LRP1B: variants seen among roughly 807,000 people sequenced by gnomAD.
LRP1B encodes the protein LDL receptor related protein 1B.
In LRP1B, 217 loss-of-function variants were observed where a neutral mutation model predicts 556.6. The observed-to-expected ratio is 0.39, with a 90% CI of 0.35 to 0.44. LRP1B has a LOEUF of 0.44. Ranked by LOEUF, LRP1B falls within the 20% of genes least tolerant of loss-of-function variation. LRP1B has a pLI of 1.00. For missense variants in LRP1B, 5,053 were observed against 5,620.8 expected, an observed-to-expected ratio of 0.90 and a Z score of 3.23; for synonymous variants, 2,047 against 1,865.8, an observed-to-expected ratio of 1.10 and a Z score of -2.50.
intron 49 of LRP1B, among the ~76,000 whole-genome samples, chr2:140,519,888 G>A (rs1438154447): frequency 1.7e-4 from 26 of 152,194 alleles, no homozygotes; most frequent in Non-Finnish European, 3.8e-4. Flanking sequence ...GGTCATCAGA[G>A]AAATGCAAAT....
chr2:141,432,009 T>C (rs1020913437), intron 3 of LRP1B, among the ~76,000 whole-genome samples: 6 of 152,132 alleles, frequency 3.9e-5, no homozygotes, highest in African/African-American at 1.4e-4. Context: ...TAACTGCAAG[T>C]GATGAGAGCA....
intron 6 of LRP1B, 46 bp downstream of exon 6, chr2:141,229,137 T>A (rs1347717785): frequency 1.3e-6 from 2 of 1,594,764 alleles, no homozygotes; most frequent in South Asian, 2.2e-5. Flanking sequence ...GGTCTGTAAA[T>A]GAAATCAGTA....
intron 11 of LRP1B, among the ~76,000 whole-genome samples, chr2:141,021,141 G>A (rs1287819768): frequency 1.3e-5 from 2 of 151,970 alleles, no homozygotes; most frequent in African/African-American, 4.8e-5. Flanking sequence ...AAGGCAATAG[G>A]TAGTATATAT....
At chr2:140,472,351 T>G (rs981233599) in intron 60 of LRP1B, among the ~76,000 whole-genome samples, 1 of 152,170 alleles carries the variant, frequency 6.6e-6, no homozygotes. Flanking sequence ...TGTTTTTTAC[T>G]GTATCATTAT....
rs1029495342 is a variant in LRP1B at position 140,298,270 on chromosome 2, T to C, written c.12806-301A>G. ...TGCTTAAAGTACTTCTTATTTTTAC[T>C]TCTGTTCTCATATCAATTTGGCCCT... is the stretch of plus-strand genomic sequence containing the variant. On this transcript the variant is annotated intron_variant, in intron 83 of 90. Coordinates refer to ENST00000389484, the MANE Select transcript of LRP1B (RefSeq NM_018557.3). Among the ~76,000 whole-genome samples the C allele has an allele frequency of 2.6e-5, 4 of 152,050 alleles. No homozygotes were observed. The East Asian group carries it at 7.8e-4, about 30-fold the overall frequency.
chr2:141,415,262 C>T (rs997534913), intron 3 of LRP1B, among the ~76,000 whole-genome samples: 4 of 152,198 alleles, frequency 2.6e-5, no homozygotes, highest in African/African-American at 7.2e-5. Flanking sequence ...ATCCGCCTGC[C>T]TCGGCCTCCC....
intron 43 of LRP1B, among the ~76,000 whole-genome samples, chr2:140,579,000 TTCTC>T (rs1681648231): frequency 6.6e-6 from 1 of 151,954 alleles, no homozygotes; most frequent in Admixed American, 6.6e-5. Context: ...TCTATCTCCC[TTCTC>T]TCAGCAAGGG....
rs372948614 is a variant in LRP1B at position 140,232,840 on chromosome 2, G to A, written c.*346C>T. ...ATGGAAAAGTGCAGAGATTCTCCTC[G>A]TTGATTAAGTACAACCAAAAAAGTT... On this transcript the variant is annotated 3_prime_UTR_variant, in exon 91 of 91. Coordinates refer to ENST00000389484, the MANE Select transcript of LRP1B (RefSeq NM_018557.3). 53 of 159,974 alleles carry A rather than the reference G, an allele frequency of 3.3e-4. 1 individual carries two copies. In the South Asian group the frequency reaches 9.3e-3, roughly 28 times the overall value. The allele number at this position is 159,974 out of a possible 1,614,324, so 9.9% of individuals were successfully genotyped here. A position where few individuals can be genotyped will look rare whatever the true frequency, so the allele number is the denominator to read the frequency against.
At chr2:141,130,647 T>C (rs1701326968) in intron 7 of LRP1B, among the ~76,000 whole-genome samples, 1 of 152,108 alleles carries the variant, frequency 6.6e-6, no homozygotes, top group South Asian at 2.1e-4. Flanking sequence ...GGAGCACTGA[T>C]TATAATAGAA....
chr2:141,658,081 G>A (rs1690081456), intron 2 of LRP1B, among the ~76,000 whole-genome samples: 1 of 152,060 alleles, frequency 6.6e-6, no homozygotes, highest in Non-Finnish European at 1.5e-5. Flanking sequence ...GACTCAAGCA[G>A]ATAGTCAAAT....
chr2:142,069,063 C>A (rs1705217481), intron 1 of LRP1B, among the ~76,000 whole-genome samples: 1 of 151,272 alleles, frequency 6.6e-6, no homozygotes, highest in South Asian at 2.1e-4. Context: ...TCCCTCCACC[C>A]TTCTCCCTTC....
At chr2:141,751,408 T>C (rs1185732857) in intron 2 of LRP1B, among the ~76,000 whole-genome samples, 1 of 152,168 alleles carries the variant, frequency 6.6e-6, no homozygotes, top group Non-Finnish European at 1.5e-5. Context: ...AAGATATTTT[T>C]GGATCAGTGA....
intron 23 of LRP1B, among the ~76,000 whole-genome samples, chr2:140,901,912 T>C (rs1040102112): frequency 4.6e-5 from 7 of 152,170 alleles, no homozygotes; most frequent in African/African-American, 1.4e-4. Context: ...TATTCAATAA[T>C]AAGATCCAGC....
chr2:140,891,467 T>C (rs1375300590), intron 23 of LRP1B, among the ~76,000 whole-genome samples: 1 of 152,178 alleles, frequency 6.6e-6, no homozygotes, highest in East Asian at 1.9e-4. Flanking sequence ...GTGATATTAC[T>C]GTTACAATGT....
At chr2:140,442,235 A>G (rs1686460034) in intron 66 of LRP1B, among the ~76,000 whole-genome samples, 1 of 152,184 alleles carries the variant, frequency 6.6e-6, no homozygotes, top group Non-Finnish European at 1.5e-5. Context: ...ACTCTAATAT[A>G]AGAAGATAAT....
intron 1 of LRP1B, among the ~76,000 whole-genome samples, chr2:142,070,805 G>A (rs1373246611): frequency 1.3e-5 from 2 of 151,858 alleles, no homozygotes; most frequent in East Asian, 3.9e-4. Context: ...ATTGCATGTA[G>A]TTTGGAAAGG....
chr2:141,933,938 C>A (rs901840327), intron 1 of LRP1B, among the ~76,000 whole-genome samples: 3 of 151,868 alleles, frequency 2.0e-5, no homozygotes, highest in African/African-American at 7.3e-5. Flanking sequence ...CACAAGTCAT[C>A]ATGAGTAAGG....
chr2:140,596,827 G>T (rs1372256), intron 43 of LRP1B, among the ~76,000 whole-genome samples: 30,367 of 152,002 alleles, frequency 0.2, 3,460 homozygotes, highest in South Asian at 0.39. Flanking sequence ...CTGCAAATGG[G>T]GATCATCATA....
intron 1 of LRP1B, among the ~76,000 whole-genome samples, chr2:141,883,786 A>C (rs1050264921): frequency 1.3e-5 from 2 of 152,120 alleles, no homozygotes; most frequent in African/African-American, 4.8e-5. Flanking sequence ...AAAAGATTGA[A>C]TTATTTTTAA....
Sources: gnomAD v4.1 joint callset for allele counts (sites outside exome capture counted in the v4.1 genomes callset) on GRCh38, gnomAD v4.1.1 for gene constraint, MANE v1.5 for transcripts, NCBI Gene and HGNC (gene_info 2026-07-23, HGNC 2026-07-21) for gene names.